The following CD226 variants were observed in gnomAD, a reference collection of about 807,000 sequenced individuals.
CD226 encodes CD226 antigen.
Under a neutral mutation model 34.9 loss-of-function variants are expected in CD226, and 24 were observed. The observed-to-expected ratio is 0.69, with a 90% CI of 0.50 to 0.97. The LOEUF is 0.97. CD226 is among the 50% of genes least tolerant of loss of function. The pLI is 0.00. For missense variants in CD226, 397 were observed against 412.7 expected, an observed-to-expected ratio of 0.96 and a Z score of 0.33; for synonymous variants, 148 against 147.4, an observed-to-expected ratio of 1.00 and a Z score of -0.03.
At position 69,860,384 on chromosome 18, in the gene CD226, GATA is replaced by G. The variant is rs1270356694; in HGVS notation, c.*3927_*3929del. 2 of 152,128 alleles carry G rather than the reference GATA, an allele frequency of 1.3e-5. No homozygotes were observed. The highest frequency in any genetic ancestry group is 2.4e-5 in the African/African-American group (1 of 41,436). The allele number at this position is 152,128 out of a possible 1,614,324, so 9.4% of individuals were successfully genotyped here. A position where few individuals can be genotyped will look rare whatever the true frequency, so the allele number is the denominator to read the frequency against. On this transcript the variant is annotated 3_prime_UTR_variant, in exon 6 of 6. Coordinates refer to ENST00000582621, the MANE Select transcript of CD226 (RefSeq NM_001303618.2). The stretch of plus-strand genomic sequence containing the variant: ...TGACCATATAACTTATTCTAACAAG[GATA>G]ATACGAAATAAACCAGAATTATCCC...
intron 2 of CD226, among the ~76,000 whole-genome samples, chr18:69,916,417 T>C (rs765489618): frequency 9.2e-5 from 14 of 152,130 alleles, no homozygotes; most frequent in Non-Finnish European, 2.1e-4. Flanking sequence ...ATGCTGAAAG[T>C]GAAATACACC....
intron 3 of CD226, among the ~76,000 whole-genome samples, chr18:69,878,850 T>C (rs535568953): frequency 6.6e-6 from 1 of 152,310 alleles, no homozygotes; most frequent in South Asian, 2.1e-4. Context: ...CATCCCATTT[T>C]ATCGGGGGAA....
At chr18:69,872,514 T>C (rs1287801437) in intron 4 of CD226, among the ~76,000 whole-genome samples, 1 of 152,036 alleles carries the variant, frequency 6.6e-6, no homozygotes, top group Non-Finnish European at 1.5e-5. Context: ...GCCTCCTGAG[T>C]AGCTGGAACT....
intron 2 of CD226, among the ~76,000 whole-genome samples, chr18:69,942,727 C>A (rs899321389): frequency 2.0e-5 from 3 of 152,178 alleles, no homozygotes; most frequent in African/African-American, 7.2e-5. Context: ...CAGGCCACCT[C>A]TGTGGGTGTA....
chr18:69,891,126 T>C (rs1183099664), intron 3 of CD226, among the ~76,000 whole-genome samples: 1 of 151,760 alleles, frequency 6.6e-6, no homozygotes, highest in Non-Finnish European at 1.5e-5. Flanking sequence ...ATGGATTGTA[T>C]ATTCTAATCA....
At chr18:69,910,501 C>T (rs776832367) in intron 2 of CD226, among the ~76,000 whole-genome samples, 4 of 152,124 alleles carry the variant, frequency 2.6e-5, no homozygotes, top group Non-Finnish European at 4.4e-5. Flanking sequence ...TCAGGCCTCA[C>T]AGGGTTGTGA....
chr18:69,914,834 C>T (rs1057133518), intron 2 of CD226, among the ~76,000 whole-genome samples: 2 of 152,234 alleles, frequency 1.3e-5, no homozygotes, highest in Admixed American at 6.5e-5. Flanking sequence ...GGTCCTGACT[C>T]GCCTGAAAGT....
intron 2 of CD226, among the ~76,000 whole-genome samples, chr18:69,900,616 C>T (rs2055166775): frequency 6.7e-6 from 1 of 150,310 alleles, no homozygotes; most frequent in Non-Finnish European, 1.5e-5. Flanking sequence ...CCTGTAGTCC[C>T]AGCTACTCGG....
intron 3 of CD226, among the ~76,000 whole-genome samples, chr18:69,877,580 C>G (rs1186874816): frequency 8.5e-5 from 13 of 152,184 alleles, no homozygotes; most frequent in Admixed American, 8.5e-4. Flanking sequence ...GAATGAGGGT[C>G]TTTTGACCCA....
intron 2 of CD226, among the ~76,000 whole-genome samples, chr18:69,914,947 T>C (rs574584590): frequency 6.6e-6 from 1 of 152,332 alleles, no homozygotes; most frequent in South Asian, 2.1e-4. Context: ...TGAGGGAAGA[T>C]TTTACTTTGA....
At chr18:69,872,600 C>T (rs1983604316) in intron 4 of CD226, among the ~76,000 whole-genome samples, 1 of 152,098 alleles carries the variant, frequency 6.6e-6, no homozygotes, top group Non-Finnish European at 1.5e-5. Context: ...TCCCTGCTGT[C>T]TCTAAGGCAG....
chr18:69,941,335 A>G (rs2055721455), intron 2 of CD226, among the ~76,000 whole-genome samples: 1 of 152,232 alleles, frequency 6.6e-6, no homozygotes, highest in Non-Finnish European at 1.5e-5. Context: ...TCTGATCCAC[A>G]GACGGCTTGC....
intron 2 of CD226, among the ~76,000 whole-genome samples, chr18:69,926,422 A>T (rs1032411264): frequency 3.9e-5 from 6 of 152,084 alleles, no homozygotes; most frequent in African/African-American, 4.8e-5. Flanking sequence ...AGTCATCTTA[A>T]GGACTCTGAG....
Position 69,861,542 on chromosome 18 carries a change from G to GTATATATATGTGTATATATATA in CD226, c.*2771_*2772insTATATATATACACATATATATA, listed in dbSNP as rs1555675777. ...TTATCCATCGATATAAATTATATGT[G>GTATATATATGTGTATATATATA]TATATATATATGTATATATATATAT... is the stretch of plus-strand genomic sequence containing the variant. On this transcript the variant is annotated 3_prime_UTR_variant, in exon 6 of 6. Transcript: ENST00000582621. The GTATATATATGTGTATATATATA allele has an allele frequency of 2.4e-5, 1 of 41,526 alleles. No individual in the cohort carries two copies. The highest frequency in any genetic ancestry group is 1.2e-3 in the South Asian group (1 of 820). The allele number at this position is 41,526 out of a possible 1,614,324, so 2.6% of individuals were successfully genotyped here.
chr18:69,917,705 T>C (rs1410630691), intron 2 of CD226, among the ~76,000 whole-genome samples: 1 of 152,210 alleles, frequency 6.6e-6, no homozygotes, highest in African/African-American at 2.4e-5. Flanking sequence ...CGTCTATCAT[T>C]GTGAACTTCA....
intron 3 of CD226, among the ~76,000 whole-genome samples, chr18:69,887,995 C>T (rs1984661314): frequency 3.9e-5 from 6 of 152,054 alleles, no homozygotes; most frequent in Admixed American, 2.0e-4. Context: ...CTTCATTTTC[C>T]GTCCTCTTAA....
intron 5 of CD226, among the ~76,000 whole-genome samples, chr18:69,865,783 T>G (rs2145174390): frequency 6.6e-6 from 1 of 152,382 alleles, no homozygotes; most frequent in East Asian, 1.9e-4. Context: ...GAACACATGT[T>G]GGATTGTCAG....
chr18:69,880,458 C>T (rs1200591916), intron 3 of CD226, among the ~76,000 whole-genome samples: 2 of 151,854 alleles, frequency 1.3e-5, no homozygotes, highest in African/African-American at 4.8e-5. Flanking sequence ...AGAGAGAACC[C>T]TCGCACACTG....
chr18:69,913,088 C>T (rs926387867), intron 2 of CD226, among the ~76,000 whole-genome samples: 1 of 152,136 alleles, frequency 6.6e-6, no homozygotes, highest in African/African-American at 2.4e-5. Flanking sequence ...GGGCAGATTC[C>T]TCTAGCACCA....
Sources: allele counts gnomAD v4.1 joint callset (sites outside exome capture counted in the v4.1 genomes callset), GRCh38; gene constraint gnomAD v4.1.1; transcripts MANE v1.5; gene names NCBI Gene and HGNC (gene_info 2026-07-23, HGNC 2026-07-21).